PCDH15: variants seen among roughly 807,000 people sequenced by gnomAD.
The protein encoded by PCDH15 is protocadherin-15.
A neutral mutation model predicts 178.5 loss-of-function variants in PCDH15; 129 were observed. The ratio of observed to expected loss-of-function variants is 0.72; its 90% CI spans 0.63 to 0.84. The LOEUF (loss-of-function observed/expected upper bound fraction) is 0.84. Ranked by LOEUF, PCDH15 falls within the 40% of genes least tolerant of loss-of-function variation. PCDH15 has a pLI of 0.00. For missense variants in PCDH15, 2,230 were observed against 2,099.9 expected (o/e 1.06, Z -1.21); for synonymous variants, 800 against 732.0 (o/e 1.09, Z -1.50).
At chr10:53,846,050 A>ACACACACC (rs1220476871) in intron 28 of PCDH15, among the ~76,000 whole-genome samples, 1 of 150,444 alleles carries the variant, frequency 6.6e-6, no homozygotes, top group Admixed American at 6.6e-5. Context: ...ACACACACAC[A>ACACACACC]AACAAAAAAA....
intron 2 of PCDH15, among the ~76,000 whole-genome samples, chr10:54,556,173 C>T (rs1428387160): frequency 6.6e-6 from 1 of 152,110 alleles, no homozygotes; most frequent in African/African-American, 2.4e-5. Context: ...AATTTCCATG[C>T]TACCTGAGAT....
chr10:54,294,037 T>A (rs1382802985), intron 8 of PCDH15, among the ~76,000 whole-genome samples: 1 of 152,198 alleles, frequency 6.6e-6, no homozygotes, highest in Non-Finnish European at 1.5e-5. Flanking sequence ...ATTGCAGCAC[T>A]ATTCACAGTA....
upstream of PCDH15, among the ~76,000 whole-genome samples, chr10:54,801,494 T>A (rs1952646461): frequency 6.6e-6 from 1 of 152,242 alleles, no homozygotes; most frequent in Admixed American, 6.5e-5. Context: ...TCAGCCTGTC[T>A]GATGATTCTC....
intron 2 of PCDH15, among the ~76,000 whole-genome samples, chr10:54,649,218 G>A (rs1021725775): frequency 6.6e-6 from 1 of 152,126 alleles, no homozygotes; most frequent in African/African-American, 2.4e-5. Context: ...AATACCTGAA[G>A]AAAGCATGAA....
chr10:55,095,861 T>C (rs534504658), intron 2 of PCDH15, among the ~76,000 whole-genome samples: 2 of 152,240 alleles, frequency 1.3e-5, no homozygotes, highest in Admixed American at 1.3e-4. Flanking sequence ...ATGGTACCTA[T>C]ATTTTTATAC....
chr10:53,886,130 T>C (rs904902151), intron 26 of PCDH15, among the ~76,000 whole-genome samples: 2 of 152,194 alleles, frequency 1.3e-5, no homozygotes, highest in Admixed American at 6.5e-5. Flanking sequence ...ACAATGACTA[T>C]TGAGAGATCT....
chr10:55,107,179 C>G lies in PCDH15; in HGVS notation c.-80+59397G>C, dbSNP rs1398471551. ...CTGCAGCCCATTAGCAGTATACTTT[C>G]TATTGGTATACACTTAAAGGTCTGG... is the stretch of plus-strand genomic sequence containing the variant. On this transcript the variant is annotated intron_variant, in intron 2 of 5. Transcript: ENST00000458638. Among the ~76,000 whole-genome samples the G allele has an allele frequency of 2.0e-5, 3 of 152,184 alleles. No homozygotes were observed. The East Asian group carries it at 5.8e-4, about 29-fold the overall frequency.
chr10:54,276,226 T>C (rs915177500), intron 8 of PCDH15, among the ~76,000 whole-genome samples: 2 of 151,740 alleles, frequency 1.3e-5, no homozygotes, highest in African/African-American at 4.8e-5. Flanking sequence ...ACAGAGGTAC[T>C]AGATAATTCT....
chr10:54,545,348 G>A (rs1031275479), intron 2 of PCDH15, among the ~76,000 whole-genome samples: 1 of 152,066 alleles, frequency 6.6e-6, no homozygotes, highest in Non-Finnish European at 1.5e-5. Context: ...TAATAGAAAA[G>A]TATGCAATGT....
intron 15 of PCDH15, among the ~76,000 whole-genome samples, chr10:54,129,905 C>T (rs193060239): frequency 1.1e-4 from 17 of 151,920 alleles, no homozygotes; most frequent in Non-Finnish European, 2.1e-4. Context: ...TGGGATGAGA[C>T]GGCAGAGATG....
intron 2 of PCDH15, among the ~76,000 whole-genome samples, chr10:54,964,983 A>G (rs894474222): frequency 6.6e-6 from 1 of 152,188 alleles, no homozygotes; most frequent in African/African-American, 2.4e-5. Flanking sequence ...TTTGTAGAAT[A>G]CTTGAAGTAC....
chr10:55,237,938 C>G (rs1287608615), intron 1 of PCDH15, among the ~76,000 whole-genome samples: 1 of 151,500 alleles, frequency 6.6e-6, no homozygotes, highest in African/African-American at 2.4e-5. Context: ...ATTAAAATGA[C>G]TAAAATTTAG....
At chr10:53,872,797 C>T (rs1226440034) in intron 26 of PCDH15, among the ~76,000 whole-genome samples, 1 of 152,170 alleles carries the variant, frequency 6.6e-6, no homozygotes, top group East Asian at 1.9e-4. Flanking sequence ...GATAAGGAAG[C>T]TCTAATTCCC....
chr10:55,547,910 T>TGAGAGAGA (rs763752387), intron 2 of PCDH15, among the ~76,000 whole-genome samples: 79 of 54,498 alleles, frequency 1.4e-3, no homozygotes, highest in South Asian at 6.8e-3. Context: ...TGTGTGTGTG[T>TGAGAGAGA]GAGAGAGAGA....
chr10:54,490,658 C>T (rs1376744852), intron 3 of PCDH15, among the ~76,000 whole-genome samples: 1 of 151,978 alleles, frequency 6.6e-6, no homozygotes, highest in Non-Finnish European at 1.5e-5. Flanking sequence ...CCATCCCACC[C>T]GATCCGCTGA....
chr10:55,433,842 C>T (rs1189981113), intron 2 of PCDH15, among the ~76,000 whole-genome samples: 1 of 151,964 alleles, frequency 6.6e-6, no homozygotes. Context: ...TTATTTTGCT[C>T]ATATGTACAA....
At chr10:55,293,784 G>T (rs546085180) in intron 1 of PCDH15, among the ~76,000 whole-genome samples, 1 of 152,214 alleles carries the variant, frequency 6.6e-6, no homozygotes, top group Non-Finnish European at 1.5e-5. Flanking sequence ...ATCATTTTCA[G>T]CATTTTGATC....
At chr10:54,108,100 T>C (rs1030101014) in intron 15 of PCDH15, among the ~76,000 whole-genome samples, 2 of 151,462 alleles carry the variant, frequency 1.3e-5, no homozygotes, top group East Asian at 3.9e-4. Flanking sequence ...AAAGCAAGAG[T>C]GGAGAGAGTG....
rs182191977 is a variant in PCDH15 at position 54,288,540 on chromosome 10, G to A, written c.876+28731C>T. ...ATAGTGGGTGCAGCCCACGGAGGGC[G>A]AGCCACAGCAGGGTGGGGTGTCACC... On this transcript the variant is annotated intron_variant, in intron 8 of 37. Coordinates refer to ENST00000644397, the MANE Select transcript of PCDH15 (RefSeq NM_001384140.1). 3.2e-4 allele frequency among the ~76,000 whole-genome samples: 48 copies of A among 152,236 alleles called. 1 individual carries two copies. Among genetic ancestry groups the A allele is most frequent in the African/African-American group, 9.9e-4 (41 of 41,554 alleles).
Sources: allele counts gnomAD v4.1 joint callset (sites outside exome capture counted in the v4.1 genomes callset), GRCh38; gene constraint gnomAD v4.1.1; transcripts MANE v1.5; gene names NCBI Gene and HGNC (gene_info 2026-07-23, HGNC 2026-07-21).